AGMO: variants seen among roughly 807,000 people sequenced by gnomAD.
AGMO encodes alkylglycerol monooxygenase.
A neutral mutation model predicts 60.2 loss-of-function variants in AGMO; 75 were observed. The ratio of observed to expected loss-of-function variants is 1.25; its 90% CI spans 1.03 to 1.51. The LOEUF (loss-of-function observed/expected upper bound fraction) is 1.51, where lower values mean the gene tolerates loss of function less well. Among genes scored for constraint, AGMO ranks in the 40% most tolerant of loss-of-function variants. The pLI, the probability that AGMO is intolerant of heterozygous loss-of-function variation, is 0.00. For synonymous variants in AGMO, 261 were observed against 177.1 expected, an observed-to-expected ratio of 1.47 and a Z score of -3.76; for missense variants, 763 against 525.5, an observed-to-expected ratio of 1.45 and a Z score of -4.42.
At chr7:15,127,050 G>T in the AGMO span, among the ~76,000 whole-genome samples, 21 of 152,130 alleles carry the variant, frequency 1.4e-4, no homozygotes, top group African/African-American at 5.1e-4. Flanking sequence ...TTACAGCCTG[G>T]AAGCCCCCTC....
intron 10 of AGMO, among the ~76,000 whole-genome samples, chr7:15,370,591 T>G (rs1413382476): frequency 1.3e-5 from 2 of 152,176 alleles, no homozygotes; most frequent in Admixed American, 1.3e-4. Flanking sequence ...TTCTTACTGG[T>G]GTGAAACAGT....
At chr7:15,498,150 G>T (rs941533232) in intron 3 of AGMO, among the ~76,000 whole-genome samples, 1 of 151,886 alleles carries the variant, frequency 6.6e-6, no homozygotes, top group Non-Finnish European at 1.5e-5. Flanking sequence ...ATGTTATGCG[G>T]GAAAAACACC....
chr7:15,164,655 A>T, the AGMO span, among the ~76,000 whole-genome samples: 5 of 152,002 alleles, frequency 3.3e-5, no homozygotes, highest in Admixed American at 2.6e-4. Context: ...AGAAATGCAA[A>T]TTTTTTTTCA....
the AGMO span, among the ~76,000 whole-genome samples, chr7:15,180,888 T>C: frequency 1.3e-5 from 2 of 152,174 alleles, no homozygotes; most frequent in African/African-American, 2.4e-5. Context: ...GGCACCAGCA[T>C]CTGGCAAAGG....
intron 12 of AGMO, among the ~76,000 whole-genome samples, chr7:15,336,025 G>T (rs1037456838): frequency 2.0e-5 from 3 of 152,108 alleles, no homozygotes; most frequent in African/African-American, 7.2e-5. Flanking sequence ...AAGACCTGGA[G>T]CCCTGTAAAA....
chr7:15,122,896 A>G, the AGMO span, among the ~76,000 whole-genome samples: 1 of 152,034 alleles, frequency 6.6e-6, no homozygotes, highest in African/African-American at 2.4e-5. Flanking sequence ...AAATATAATC[A>G]TGTCACTACT....
At chr7:15,147,524 C>A in the AGMO span, among the ~76,000 whole-genome samples, 1 of 152,138 alleles carries the variant, frequency 6.6e-6, no homozygotes, top group Admixed American at 6.5e-5. Flanking sequence ...TTACCTCCCA[C>A]CCCATGACAC....
chr7:15,354,248 C>G (rs1230953918), intron 12 of AGMO, among the ~76,000 whole-genome samples: 1 of 143,626 alleles, frequency 7.0e-6, no homozygotes, highest in African/African-American at 2.7e-5. Flanking sequence ...CATTACAGAA[C>G]AGTAAAAAAT....
At chr7:15,253,214 G>C (rs1357855734) in intron 12 of AGMO, among the ~76,000 whole-genome samples, 1 of 151,868 alleles carries the variant, frequency 6.6e-6, no homozygotes, top group Non-Finnish European at 1.5e-5. Flanking sequence ...AGAAAGGATT[G>C]GGCTTTTTCA....
the AGMO span, among the ~76,000 whole-genome samples, chr7:15,192,600 C>G: frequency 6.6e-6 from 1 of 152,086 alleles, no homozygotes; most frequent in African/African-American, 2.4e-5. Context: ...GTCCAGGTAC[C>G]AAGAGCGCAG....
At chr7:15,543,060 G>A (rs1264099349) in intron 3 of AGMO, among the ~76,000 whole-genome samples, 1 of 152,046 alleles carries the variant, frequency 6.6e-6, no homozygotes, top group African/African-American at 2.4e-5. Flanking sequence ...CTCCTACACA[G>A]AGAGCTCAGT....
intron 3 of AGMO, among the ~76,000 whole-genome samples, chr7:15,475,606 C>T (rs772118651): frequency 6.6e-6 from 1 of 151,768 alleles, no homozygotes; most frequent in Non-Finnish European, 1.5e-5. Flanking sequence ...TTGATGGGTG[C>T]AGCAAACCGC....
At chr7:15,323,254 T>G (rs1421914801) in intron 12 of AGMO, among the ~76,000 whole-genome samples, 1 of 152,106 alleles carries the variant, frequency 6.6e-6, no homozygotes, top group Non-Finnish European at 1.5e-5. Flanking sequence ...AGTTACAATT[T>G]GCCCTAAGAA....
At chr7:15,140,407 A>G in the AGMO span, among the ~76,000 whole-genome samples, 1 of 152,094 alleles carries the variant, frequency 6.6e-6, no homozygotes, top group Admixed American at 6.5e-5. Flanking sequence ...CTATTAGCAT[A>G]AGTTATTTTT....
At chr7:15,306,567 T>C (rs927951982) in intron 12 of AGMO, 4 of 337,812 alleles carry the variant, frequency 1.2e-5, no homozygotes, top group Non-Finnish European at 2.3e-5. Context: ...AGAATATGAC[T>C]GTGTAAAAAA....
intron 10 of AGMO, among the ~76,000 whole-genome samples, chr7:15,368,469 A>G (rs1204979827): frequency 2.0e-5 from 3 of 152,258 alleles, no homozygotes; most frequent in East Asian, 3.9e-4. Flanking sequence ...CTCTTTAAGA[A>G]CACAGAATTT....
the AGMO span, among the ~76,000 whole-genome samples, chr7:15,183,512 G>A: frequency 6.6e-6 from 1 of 152,164 alleles, no homozygotes; most frequent in African/African-American, 2.4e-5. Context: ...CTTAAACAGA[G>A]TTGTTTGCCT....
chr7:15,287,072 A>G (rs1784118126), intron 12 of AGMO, among the ~76,000 whole-genome samples: 1 of 152,146 alleles, frequency 6.6e-6, no homozygotes, highest in Admixed American at 6.6e-5. Context: ...GAGACATAGA[A>G]GCGGGAAGAT....
the AGMO span, among the ~76,000 whole-genome samples, chr7:15,128,952 G>A: frequency 6.6e-6 from 1 of 152,072 alleles, no homozygotes; most frequent in Admixed American, 6.6e-5. Flanking sequence ...GGGTTGTCAA[G>A]AGCTTTATAG....
Sources: allele counts gnomAD v4.1 joint callset (sites outside exome capture counted in the v4.1 genomes callset), GRCh38; gene constraint gnomAD v4.1.1; transcripts MANE v1.5; gene names NCBI Gene and HGNC (gene_info 2026-07-23, HGNC 2026-07-21).